Variants in ADGRG5 observed in about 807,000 individuals in gnomAD.
The protein encoded by ADGRG5 is G protein-coupled receptor 114.
In ADGRG5, 37 loss-of-function variants were observed where a neutral mutation model predicts 53.2. That is an observed-to-expected ratio of 0.70 (90% CI 0.53 to 0.91). The LOEUF (loss-of-function observed/expected upper bound fraction) is 0.91. Among genes scored for constraint, ADGRG5 ranks in the 40% least tolerant of loss-of-function variants. ADGRG5 has a pLI of 0.00. For missense variants in ADGRG5, 614 were observed against 675.8 expected (o/e 0.91, Z 1.01); for synonymous variants, 277 against 290.4 (o/e 0.95, Z 0.47).
At chr16:57,570,584 C>T in intron 10 of ADGRG5, 49 bp downstream of exon 10, 1 of 1,298,562 alleles carries the variant, frequency 7.7e-7, no homozygotes. Flanking sequence ...GGCAGAAGGG[C>T]CACATGGGCC....
the ADGRG5 span, among the ~76,000 whole-genome samples, chr16:57,529,598 C>T: frequency 0.012 from 1,811 of 152,320 alleles, 12 homozygotes; most frequent in Middle Eastern, 0.024. The surrounding 1 kb of genome is among the most constrained non-coding windows in gnomAD (Gnocchi z 4.1). Flanking sequence ...ACACTGATGG[C>T]TTATACTATA....
chr16:57,567,730 G>C, intron 8 of ADGRG5, 126 bp from the exon 9 acceptor site: 1 of 1,408,124 alleles, frequency 7.1e-7, no homozygotes, highest in Non-Finnish European at 9.7e-7. Flanking sequence ...CTTGTGGTGC[G>C]ACTGCTGTGG....
At chr16:57,564,952 C>T in intron 5 of ADGRG5, 82 bp from the exon 6 acceptor site, 3 of 762,848 alleles carry the variant, frequency 3.9e-6, no homozygotes, top group Non-Finnish European at 4.6e-6. Flanking sequence ...TGCTTGTTCT[C>T]ATCCAGGGAA....
At chr16:57,534,847 C>G in the ADGRG5 span, among the ~76,000 whole-genome samples, 2 of 152,318 alleles carry the variant, frequency 1.3e-5, no homozygotes, top group South Asian at 2.1e-4. Context: ...AGTCGGCTGT[C>G]CCACCTTTTA....
chr16:57,571,791 C>A (rs529514630), intron 10 of ADGRG5, among the ~76,000 whole-genome samples: 2 of 151,612 alleles, frequency 1.3e-5, no homozygotes, highest in African/African-American at 4.8e-5. Context: ...ATTACAGGCG[C>A]GTGCCACCAC....
intron 8 of ADGRG5, 96 bp downstream of exon 8, chr16:57,567,687 C>A: frequency 6.7e-7 from 1 of 1,501,948 alleles, no homozygotes; most frequent in East Asian, 2.3e-5. Flanking sequence ...TGTGCTTCTC[C>A]AGAGGGTGGG....
At chr16:57,532,673 G>C in the ADGRG5 span, among the ~76,000 whole-genome samples, 1 of 150,782 alleles carries the variant, frequency 6.6e-6, no homozygotes, top group Non-Finnish European at 1.5e-5. Context: ...CATGCAAGGA[G>C]ACATGCTCAT....
chr16:57,541,520 C>T (rs2032489975), upstream of ADGRG5, among the ~76,000 whole-genome samples: 1 of 152,212 alleles, frequency 6.6e-6, no homozygotes, highest in Non-Finnish European at 1.5e-5. Flanking sequence ...GACCTGGCTG[C>T]CCTCCAAGGA....
chr16:57,558,150 T>A (rs1245558354), intron 1 of ADGRG5, among the ~76,000 whole-genome samples: 2 of 152,204 alleles, frequency 1.3e-5, no homozygotes, highest in African/African-American at 4.8e-5. Context: ...ATCTGTTTAT[T>A]TAGAGATGGA....
At chr16:57,563,032 C>T in intron 3 of ADGRG5, 59 bp from the exon 4 acceptor site, 1 of 1,593,134 alleles carries the variant, frequency 6.3e-7, no homozygotes, top group South Asian at 1.1e-5. Context: ...TCTACAGCCC[C>T]CTCTCACCCT....
the ADGRG5 span, among the ~76,000 whole-genome samples, chr16:57,534,801 T>C: frequency 6.6e-6 from 1 of 152,208 alleles, no homozygotes; most frequent in African/African-American, 2.4e-5. Context: ...TGAGCCTGTC[T>C]GGCCAGGGTT....
intron 1 of ADGRG5, among the ~76,000 whole-genome samples, chr16:57,545,063 C>T (rs1407627058): frequency 1.3e-5 from 2 of 152,260 alleles, no homozygotes; most frequent in East Asian, 3.9e-4. Context: ...AGGCATGAGC[C>T]ACCACACCCG....
upstream of ADGRG5, among the ~76,000 whole-genome samples, chr16:57,540,460 A>G (rs184654653): frequency 2.7e-3 from 412 of 152,236 alleles, 2 homozygotes; most frequent in African/African-American, 8.4e-3. Context: ...CTGAGATGGT[A>G]TGTGGCCTCC....
chr16:57,530,019 C>T, the ADGRG5 span, among the ~76,000 whole-genome samples: 1 of 152,196 alleles, frequency 6.6e-6, no homozygotes, highest in Non-Finnish European at 1.5e-5. Flanking sequence ...AAAATGATTA[C>T]CTCCATTTAT....
chr16:57,570,265 C>A (rs749962124), intron 9 of ADGRG5, among the ~76,000 whole-genome samples, 153 bp from the exon 10 acceptor site: 1 of 152,198 alleles, frequency 6.6e-6, no homozygotes, highest in African/African-American at 2.4e-5. Flanking sequence ...TCCAAACCAC[C>A]AGGCTCATTG....
chr16:57,571,485 T>C (rs1014320858), intron 10 of ADGRG5, among the ~76,000 whole-genome samples: 9 of 152,174 alleles, frequency 5.9e-5, no homozygotes, highest in South Asian at 2.1e-4. Context: ...CCTCTCACAT[T>C]GAGGCTCGGG....
intron 1 of ADGRG5, among the ~76,000 whole-genome samples, chr16:57,550,424 A>C (rs1036743444): frequency 6.6e-6 from 1 of 152,102 alleles, no homozygotes; most frequent in Non-Finnish European, 1.5e-5. Context: ...GTTTGTAAAT[A>C]TTTTCTCCCA....
intron 1 of ADGRG5, among the ~76,000 whole-genome samples, chr16:57,554,047 A>G (rs2146772821): frequency 6.6e-6 from 1 of 152,312 alleles, no homozygotes; most frequent in African/African-American, 2.4e-5. Flanking sequence ...CCTTTAATCA[A>G]TGAAGGACTA....
upstream of ADGRG5, among the ~76,000 whole-genome samples, chr16:57,538,819 C>G (rs559714745): frequency 6.6e-6 from 1 of 152,284 alleles, no homozygotes; most frequent in East Asian, 1.9e-4. Context: ...CCTTATTTAC[C>G]TAGCATTTTT....
Sources: allele counts gnomAD v4.1 joint callset (sites outside exome capture counted in the v4.1 genomes callset), GRCh38; gene constraint gnomAD v4.1.1; non-coding constraint Gnocchi (gnomAD v3.1); transcripts MANE v1.5; gene names NCBI Gene and HGNC (gene_info 2026-07-23, HGNC 2026-07-21).